ZC3H12B: variants seen among roughly 807,000 people sequenced by gnomAD.
The protein encoded by ZC3H12B is zinc finger CCCH-type containing 12B, also known as probable ribonuclease ZC3H12B.
A neutral mutation model predicts 43.9 loss-of-function variants in ZC3H12B; 7 were observed. The ratio of observed to expected loss-of-function variants is 0.16; its 90% CI spans 0.09 to 0.30. The LOEUF is 0.30. Among genes scored for constraint, ZC3H12B ranks in the 10% least tolerant of loss-of-function variants. The probability of loss-of-function intolerance (pLI) is 1.00; values close to 1 mark genes in which losing one functional copy is unlikely to be tolerated. For synonymous variants in ZC3H12B, 222 were observed against 241.7 expected (o/e 0.92, Z 0.76); for missense variants, 475 against 670.2 (o/e 0.71, Z 3.22).
Position 65,464,328 on chromosome X carries a change from T to C in ZC3H12B, n.408-24318T>C, listed in dbSNP as rs145251780. Reference sequence around the variant, plus strand: ...ATTATAGGTCTGTTTAGATTTCAAGTCATTTCCTGAGTCCGTTTTAGTATT... The same window carrying C: ...ATTATAGGTCTGTTTAGATTTCAAGCCATTTCCTGAGTCCGTTTTAGTATT... On this transcript the variant is annotated intron_variant and non_coding_transcript_variant, in intron 3 of 5. Coordinates refer to the ZC3H12B transcript ENST00000617377. Among the ~76,000 whole-genome samples, 1,054 of 112,026 alleles carry C rather than the reference T, an allele frequency of 9.4e-3. 20 individuals are homozygous for C. Among genetic ancestry groups the C allele is most frequent in the African/African-American group, 0.032 (1,002 of 30,965 alleles).
At chrX:65,121,176 G>A in the ZC3H12B span, among the ~76,000 whole-genome samples, 1 of 111,623 alleles carries the variant, frequency 9.0e-6, no homozygotes, top group South Asian at 3.8e-4. Flanking sequence ...AAATGAGTTA[G>A]GGAGGATACC....
the ZC3H12B span, among the ~76,000 whole-genome samples, chrX:65,058,706 A>T: frequency 8.9e-6 from 1 of 111,854 alleles, no homozygotes; most frequent in Non-Finnish European, 1.9e-5. Flanking sequence ...GACCTCCTTC[A>T]GCTGTGGTGG....
At chrX:65,272,493 C>G in the ZC3H12B span, 1 of 111,623 alleles carries the variant, frequency 9.0e-6, no homozygotes, top group Non-Finnish European at 1.9e-5. Context: ...GCTCCTTTAG[C>G]CAAAGGGGTC....
chrX:65,077,919 A>C, the ZC3H12B span, among the ~76,000 whole-genome samples: 1 of 111,994 alleles, frequency 8.9e-6, no homozygotes, highest in East Asian at 2.8e-4. Context: ...TTTTCTGTTC[A>C]GTAATTTCCA....
At chrX:65,438,073 T>G (rs2067243490) in intron 3 of ZC3H12B, among the ~76,000 whole-genome samples, 1 of 112,006 alleles carries the variant, frequency 8.9e-6, no homozygotes, top group South Asian at 3.7e-4. Context: ...TCTGTGTCAT[T>G]GGTCTATGTG....
At chrX:65,365,942 C>G (rs753421537), upstream of ZC3H12B, among the ~76,000 whole-genome samples, 1 of 109,706 alleles carries the variant, frequency 9.1e-6, no homozygotes, top group Non-Finnish European at 1.9e-5. Context: ...CCTCCTGCAC[C>G]CAGGGGAAAT....
chrX:65,390,655 A>G (rs939488111), intron 2 of ZC3H12B, among the ~76,000 whole-genome samples: 47 of 105,707 alleles, frequency 4.4e-4, no homozygotes, highest in Non-Finnish European at 8.4e-4. Context: ...TCAGCATGGG[A>G]TGTATCTTCT....
At chrX:65,454,313 G>A (rs948620346) in intron 3 of ZC3H12B, among the ~76,000 whole-genome samples, 1 of 112,418 alleles carries the variant, frequency 8.9e-6, no homozygotes, top group Non-Finnish European at 1.9e-5. Flanking sequence ...TCTTAGCAAA[G>A]AGCACACCAG....
intron 3 of ZC3H12B, among the ~76,000 whole-genome samples, chrX:65,420,098 AT>A (rs2067001761): frequency 8.9e-6 from 1 of 111,821 alleles, no homozygotes; most frequent in African/African-American, 3.2e-5. Context: ...CTTCAAGCTC[AT>A]TTGCATGGAC....
the ZC3H12B span, among the ~76,000 whole-genome samples, chrX:65,105,564 G>A: frequency 6.3e-5 from 7 of 111,355 alleles, no homozygotes; most frequent in African/African-American, 1.3e-4. Flanking sequence ...TGGAAAGGGC[G>A]TGGTCATGGC....
chrX:65,164,105 G>T, the ZC3H12B span, among the ~76,000 whole-genome samples: 3 of 111,920 alleles, frequency 2.7e-5, no homozygotes, highest in Non-Finnish European at 5.6e-5. Flanking sequence ...TAATTGCAAG[G>T]TAGTGAAGTG....
At chrX:65,270,601 C>G in the ZC3H12B span, among the ~76,000 whole-genome samples, 2 of 111,124 alleles carry the variant, frequency 1.8e-5, no homozygotes, top group African/African-American at 6.6e-5. Flanking sequence ...AGCTAACCTA[C>G]AGCCTGGGAA....
intron 2 of ZC3H12B, among the ~76,000 whole-genome samples, chrX:65,389,486 A>T (rs895885412): frequency 8.9e-6 from 1 of 112,509 alleles, no homozygotes; most frequent in Non-Finnish European, 1.9e-5. Flanking sequence ...CCATTGGAAA[A>T]GCACAGTATT....
chrX:65,090,310 CATT>C, the ZC3H12B span, among the ~76,000 whole-genome samples: 1 of 111,240 alleles, frequency 9.0e-6, no homozygotes, highest in Non-Finnish European at 1.9e-5. Flanking sequence ...TTGACTGAAA[CATT>C]GTTGTGTGGT....
the ZC3H12B span, among the ~76,000 whole-genome samples, chrX:65,248,664 C>T: frequency 2.3e-4 from 26 of 111,707 alleles, 1 homozygote; most frequent in South Asian, 9.9e-3. Context: ...ACGCTGTTTT[C>T]CATAGTGGTT....
At chrX:65,188,895 A>G in the ZC3H12B span, among the ~76,000 whole-genome samples, 1 of 103,737 alleles carries the variant, frequency 9.6e-6, no homozygotes, top group Non-Finnish European at 2.0e-5. Flanking sequence ...CACTGCACCC[A>G]CTAACTCGTC....
the ZC3H12B span, among the ~76,000 whole-genome samples, chrX:65,283,062 C>T: frequency 9.0e-6 from 1 of 111,320 alleles, no homozygotes; most frequent in East Asian, 2.8e-4. Flanking sequence ...AACATCGATG[C>T]AAAAATCCTC....
the ZC3H12B span, among the ~76,000 whole-genome samples, chrX:65,114,102 G>T: frequency 1.0e-5 from 1 of 98,945 alleles, no homozygotes; most frequent in African/African-American, 3.5e-5. Context: ...TTATACCACT[G>T]GAATGAAGCC....
chrX:65,131,132 C>T, the ZC3H12B span, among the ~76,000 whole-genome samples: 1 of 111,134 alleles, frequency 9.0e-6, no homozygotes, highest in Non-Finnish European at 1.9e-5. Flanking sequence ...AGTGTGGACT[C>T]GAGTTAAGGC....
Sources: allele counts gnomAD v4.1 joint callset (sites outside exome capture counted in the v4.1 genomes callset), GRCh38; gene constraint gnomAD v4.1.1; transcripts MANE v1.5; gene names NCBI Gene and HGNC (gene_info 2026-07-23, HGNC 2026-07-21).